The following CEP162 variants were observed in gnomAD, a reference collection of about 807,000 sequenced individuals.
The protein encoded by CEP162 is centrosomal protein 162, also known as centrosomal protein of 162 kDa.
Under a neutral mutation model 169.2 loss-of-function variants are expected in CEP162, and 141 were observed. That is an observed-to-expected ratio of 0.83 (90% confidence interval 0.73 to 0.96). The LOEUF (loss-of-function observed/expected upper bound fraction) is 0.96, where lower values mean the gene tolerates loss of function less well. Ranked by LOEUF, CEP162 falls within the 40% of genes least tolerant of loss-of-function variation. The pLI is 0.00. For missense variants in CEP162, 1,600 were observed against 1,587.2 expected (o/e 1.01, Z -0.14); for synonymous variants, 540 against 526.4 (o/e 1.03, Z -0.35).
At chr6:84,166,761 T>C (rs139092185) in intron 18 of CEP162, among the ~76,000 whole-genome samples, 154 of 152,282 alleles carry the variant, frequency 1.0e-3, no homozygotes, top group South Asian at 2.1e-4. Context: ...TTTAAGAATA[T>C]ACTAATTGGC....
intron 11 of CEP162, among the ~76,000 whole-genome samples, chr6:84,189,578 T>A (rs933397362): frequency 7.9e-5 from 12 of 152,210 alleles, no homozygotes; most frequent in Non-Finnish European, 1.5e-4. Flanking sequence ...TGCGCTCGAT[T>A]TCTCGCCGGG....
chr6:84,185,254 A>G lies in CEP162; in HGVS notation c.1596T>C (p.Thr532=), dbSNP rs1224207794. The G allele has an allele frequency of 5.0e-6, 8 of 1,613,548 alleles. No individual in the cohort carries two copies. In the Admixed American group the frequency reaches 1.0e-4, roughly 20 times the overall value. The change falls in exon 13 of 27, where the codon ACT becomes ACC. Residue 532 remains threonine, a synonymous_variant. Transcript: ENST00000403245. ...TTTTGCTTTTTATAATGTCCTCTGA[A>G]GTTTTCTTTTCAAGAGTAGAAAACA... is the stretch of plus-strand genomic sequence containing the variant. The part of the protein sequence containing the change: ...LKMFSTLEKK[T]SEDIIKSKNL...
chr6:84,179,915 A>G (rs1031728505), intron 13 of CEP162, among the ~76,000 whole-genome samples: 8 of 152,312 alleles, frequency 5.3e-5, no homozygotes, highest in African/African-American at 1.9e-4. Flanking sequence ...TACCAGAGGT[A>G]CAAGAAGGAG....
intron 21 of CEP162, among the ~76,000 whole-genome samples, chr6:84,158,229 T>C (rs185641080): frequency 6.6e-6 from 1 of 152,326 alleles, no homozygotes; most frequent in Admixed American, 6.5e-5. Context: ...GTTAAGAGCA[T>C]ATTTGGGTTA....
chr6:84,189,526 G>C (rs1486592149), intron 11 of CEP162, among the ~76,000 whole-genome samples: 3 of 152,222 alleles, frequency 2.0e-5, no homozygotes, highest in African/African-American at 7.2e-5. Flanking sequence ...AGTGGCTGCA[G>C]AGGGTGTACT....
intron 2 of CEP162, among the ~76,000 whole-genome samples, chr6:84,223,012 T>C (rs2099554312): frequency 6.6e-6 from 1 of 152,216 alleles, no homozygotes. Context: ...AGGTGTTCCA[T>C]TTCTCTTTCC....
At chr6:84,138,969 C>A (rs554778762) in intron 25 of CEP162, among the ~76,000 whole-genome samples, 2 of 152,276 alleles carry the variant, frequency 1.3e-5, no homozygotes, top group African/African-American at 4.8e-5. Context: ...TTGATCTTTT[C>A]ATAATACAAT....
intron 26 of CEP162, among the ~76,000 whole-genome samples, 172 bp from the exon 27 acceptor site, chr6:84,125,448 G>A (rs1453007771): frequency 6.6e-6 from 1 of 152,078 alleles, no homozygotes; most frequent in Non-Finnish European, 1.5e-5. Context: ...CATCCCAACT[G>A]TGTTAGGGAC....
At chr6:84,201,294 C>CAAAA (rs1235772490) in intron 8 of CEP162, among the ~76,000 whole-genome samples, 4 of 151,752 alleles carry the variant, frequency 2.6e-5, no homozygotes, top group African/African-American at 9.7e-5. Context: ...AACAAACAAA[C>CAAAA]AAACAAACAA....
chr6:84,136,078 C>A (rs7771595), intron 25 of CEP162, among the ~76,000 whole-genome samples: 6,629 of 152,230 alleles, frequency 0.044, 468 homozygotes, highest in African/African-American at 0.15. Context: ...TTCCTGCTTT[C>A]TTTGCTGACA....
chr6:84,128,369 CAT>C (rs138794122), intron 25 of CEP162, among the ~76,000 whole-genome samples: 13,291 of 152,054 alleles, frequency 0.087, 1,487 homozygotes, highest in African/African-American at 0.26. Flanking sequence ...AATAAGCAAA[CAT>C]GTATTTAAAA....
In CEP162 at chr6:84,181,572, G is replaced by T. The variant is rs1002219715; in HGVS notation, c.1663+3615C>A. Among the ~76,000 whole-genome samples the T allele has an allele frequency of 5.3e-4, 81 of 152,198 alleles. 1 individual carries two copies. The highest frequency in any genetic ancestry group is 5.3e-3 in the Admixed American group (81 of 15,258). On this transcript the variant is annotated intron_variant, in intron 13 of 26. Coordinates refer to ENST00000403245, the MANE Select transcript of CEP162 (RefSeq NM_014895.4). Reference sequence around the variant, plus strand: ...ACATGAAAAAAATTTGCTTGAATATGAAATTTAAACATGAAACACTGCAGT... The same window carrying T: ...ACATGAAAAAAATTTGCTTGAATATTAAATTTAAACATGAAACACTGCAGT...
intron 16 of CEP162, among the ~76,000 whole-genome samples, chr6:84,173,384 C>T (rs1278973504): frequency 6.6e-6 from 1 of 152,192 alleles, no homozygotes; most frequent in African/African-American, 2.4e-5. Flanking sequence ...GATGAAGTTA[C>T]ATCCTGATAA....
intron 5 of CEP162, among the ~76,000 whole-genome samples, chr6:84,213,705 C>A (rs1588886581): frequency 6.6e-6 from 1 of 152,176 alleles, no homozygotes; most frequent in Admixed American, 6.5e-5. Context: ...TTTGACCGGC[C>A]TGTTCTACAG....
Position 84,169,220 on chromosome 6 carries a change from A to AT in CEP162, c.2385+107dup, listed in dbSNP as rs939354805. On this transcript the variant is annotated intron_variant, in intron 18 of 26. Transcript: ENST00000403245. ...GTTTTAAATGGTATGAAATTTATAG[A>AT]TTTTTTAATACATTTCTATGTAATT... The AT allele has an allele frequency of 9.7e-5, 65 of 673,258 alleles. No homozygotes were observed. In the East Asian group the frequency reaches 1.2e-3, roughly 12 times the overall value. The allele number at this position is 673,258 out of a possible 1,614,324, so 41.7% of individuals were successfully genotyped here.
chr6:84,206,158 A>C (rs1335120864), intron 6 of CEP162, among the ~76,000 whole-genome samples: 1 of 149,428 alleles, frequency 6.7e-6, no homozygotes, highest in East Asian at 1.9e-4. Context: ...GGTAATTTAC[A>C]GATACAGTGC....
intron 13 of CEP162, among the ~76,000 whole-genome samples, chr6:84,180,954 C>G (rs1205918845): frequency 6.6e-6 from 1 of 152,168 alleles, no homozygotes; most frequent in Non-Finnish European, 1.5e-5. Context: ...CCATCCCCAT[C>G]AAGCTACCAA....
intron 1 of CEP162, among the ~76,000 whole-genome samples, chr6:84,227,110 C>G (rs949068774): frequency 6.6e-6 from 1 of 152,116 alleles, no homozygotes; most frequent in Non-Finnish European, 1.5e-5. Flanking sequence ...CAAGCAGAAT[C>G]CAGTGATTTG....
chr6:84,147,138 A>G (rs2099519226), intron 24 of CEP162, among the ~76,000 whole-genome samples: 1 of 152,148 alleles, frequency 6.6e-6, no homozygotes, highest in Admixed American at 6.6e-5. Flanking sequence ...TATATACCCA[A>G]TGGAATACAA....
Sources: gnomAD v4.1 joint callset for allele counts (sites outside exome capture counted in the v4.1 genomes callset) on GRCh38, gnomAD v4.1.1 for gene constraint, MANE v1.5 for transcripts, NCBI Gene and HGNC (gene_info 2026-07-23, HGNC 2026-07-21) for gene names.